The following STPG2 variants were observed in gnomAD, a reference collection of about 807,000 sequenced individuals.
STPG2 encodes the protein sperm-tail PG-rich repeat-containing protein 2.
A neutral mutation model predicts 54.2 loss-of-function variants in STPG2; 56 were observed. That is an observed-to-expected ratio of 1.03 (90% CI 0.83 to 1.29). STPG2 has a LOEUF of 1.29. Ranked by LOEUF, STPG2 falls within the 50% of genes most tolerant of loss-of-function variation. STPG2 has a pLI of 0.00. For synonymous variants in STPG2, 200 were observed against 181.8 expected, an observed-to-expected ratio of 1.10 and a Z score of -0.81; for missense variants, 596 against 544.9, an observed-to-expected ratio of 1.09 and a Z score of -0.93.
At chr4:98,088,626 C>G (rs1302505615) in intron 5 of STPG2, among the ~76,000 whole-genome samples, 2 of 130,798 alleles carry the variant, frequency 1.5e-5, no homozygotes, top group South Asian at 2.6e-4. Flanking sequence ...AAATAATATA[C>G]ATAGAAAATT....
intron 5 of STPG2, among the ~76,000 whole-genome samples, chr4:98,088,823 C>A (rs1007040911): frequency 4.6e-5 from 7 of 152,074 alleles, no homozygotes; most frequent in African/African-American, 1.7e-4. Context: ...TTCTTCTCTT[C>A]CACCCATCCA....
Position 97,634,062 on chromosome 4 carries a change from G to T in STPG2, c.1321-74945C>A, listed in dbSNP as rs111945870. Among the ~76,000 whole-genome samples the T allele has an allele frequency of 4.7e-3, 722 of 152,266 alleles. 4 individuals are homozygous for T. The highest frequency in any genetic ancestry group is 0.021 in the South Asian group (100 of 4,828). ...CAGGGCACAGACAAACAAAAAGACCGCAGTAACCTCTGCAGACTTAAATGT... is the reference window on the plus strand; with the variant it reads ...CAGGGCACAGACAAACAAAAAGACCTCAGTAACCTCTGCAGACTTAAATGT... On this transcript the variant is annotated intron_variant, in intron 10 of 10. Transcript: ENST00000295268.
chr4:97,706,276 TA>T (rs1191624753), intron 10 of STPG2, among the ~76,000 whole-genome samples: 1 of 152,150 alleles, frequency 6.6e-6, no homozygotes, highest in African/African-American at 2.4e-5. Flanking sequence ...ACTAATGCCC[TA>T]AAAAATTTGT....
At chr4:98,119,438 TC>T (rs1352485624) in intron 3 of STPG2, among the ~76,000 whole-genome samples, 1 of 152,086 alleles carries the variant, frequency 6.6e-6, no homozygotes, top group Non-Finnish European at 1.5e-5. Flanking sequence ...ATTAAGAGAT[TC>T]TAAAGAGACA....
At chr4:97,771,308 G>A (rs1044737603) in intron 9 of STPG2, among the ~76,000 whole-genome samples, 13 of 152,114 alleles carry the variant, frequency 8.5e-5, no homozygotes, top group Admixed American at 7.2e-4. Context: ...AGTAACTCTA[G>A]GATATAAGAA....
At chr4:97,718,574 G>T (rs1334638679) in intron 9 of STPG2, among the ~76,000 whole-genome samples, 1 of 151,878 alleles carries the variant, frequency 6.6e-6, no homozygotes, top group Non-Finnish European at 1.5e-5. Flanking sequence ...TGTTATAGAT[G>T]AAATGAATGA....
At chr4:97,924,387 A>T (rs144244190) in intron 8 of STPG2, among the ~76,000 whole-genome samples, 295 of 152,318 alleles carry the variant, frequency 1.9e-3, no homozygotes, top group African/African-American at 7.0e-3. Context: ...ATACAATAGG[A>T]CTTTTGTCTG....
intron 9 of STPG2, among the ~76,000 whole-genome samples, chr4:97,792,455 C>T (rs1727033264): frequency 6.6e-6 from 1 of 152,150 alleles, no homozygotes. Context: ...CTTCTCACCA[C>T]CCTCACTGCC....
At chr4:97,865,382 A>G (rs1729729755) in intron 8 of STPG2, among the ~76,000 whole-genome samples, 1 of 152,202 alleles carries the variant, frequency 6.6e-6, no homozygotes. Flanking sequence ...GCAAATCAAT[A>G]CCACAATATC....
intron 4 of STPG2, among the ~76,000 whole-genome samples, chr4:97,533,189 A>G (rs1424490224): frequency 6.6e-6 from 1 of 152,122 alleles, no homozygotes; most frequent in Non-Finnish European, 1.5e-5. Flanking sequence ...CCTACTTAGC[A>G]TATTTTCTTA....
chr4:97,895,625 G>T (rs565366559), intron 8 of STPG2, among the ~76,000 whole-genome samples: 1 of 151,626 alleles, frequency 6.6e-6, no homozygotes, highest in Non-Finnish European at 1.5e-5. Flanking sequence ...TTTACATGCT[G>T]GCATAAGAAT....
intron 9 of STPG2, among the ~76,000 whole-genome samples, chr4:97,835,570 C>T (rs1728607632): frequency 6.6e-6 from 1 of 152,094 alleles, no homozygotes; most frequent in African/African-American, 2.4e-5. Flanking sequence ...GTGTTATTTT[C>T]ATGCCTGCTA....
At chr4:97,865,568 C>T (rs1010089557) in intron 8 of STPG2, among the ~76,000 whole-genome samples, 3 of 151,990 alleles carry the variant, frequency 2.0e-5, no homozygotes, top group Non-Finnish European at 2.9e-5. Flanking sequence ...TACCATTTGA[C>T]CCAGCCATCC....
intron 7 of STPG2, among the ~76,000 whole-genome samples, chr4:97,958,587 T>C (rs994142595): frequency 6.6e-6 from 1 of 152,164 alleles, no homozygotes; most frequent in Non-Finnish European, 1.5e-5. Flanking sequence ...CCAGGAGAAG[T>C]AGCTCTTCTT....
At chr4:97,476,013 G>A (rs923893901) in intron 4 of STPG2, among the ~76,000 whole-genome samples, 2 of 152,080 alleles carry the variant, frequency 1.3e-5, no homozygotes, top group African/African-American at 4.8e-5. Flanking sequence ...GCTCTTGGAG[G>A]AAGAAATATT....
Position 97,910,671 on chromosome 4 carries a change from A to C in STPG2, c.1044+33226T>G, listed in dbSNP as rs146773128. 3.4e-4 allele frequency among the ~76,000 whole-genome samples: 52 copies of C among 152,342 alleles called. No individual in the cohort carries two copies. In the East Asian group the frequency reaches 9.8e-3, roughly 29 times the overall value. ...ACTGAAAATGTATAGAACGCATTTC[A>C]AAAGTACTCATCATAACAATAAAAA... On this transcript the variant is annotated intron_variant, in intron 8 of 10. Transcript: ENST00000295268.
rs528281220 is a variant in STPG2, at chr4:97,931,512, T to A, written c.1044+12385A>T. Among the ~76,000 whole-genome samples the A allele has an allele frequency of 4.6e-5, 7 of 152,334 alleles. No homozygotes were observed. The South Asian group carries it at 6.2e-4, about 14-fold the overall frequency. On this transcript the variant is annotated intron_variant, in intron 8 of 10. Transcript: ENST00000295268. ...TCAATTTGCATATGTTGAAACAACCTTGAATCCTGGAAATAAATCCTACTT... is the reference window on the plus strand; with the variant it reads ...TCAATTTGCATATGTTGAAACAACCATGAATCCTGGAAATAAATCCTACTT...
intron 10 of STPG2, among the ~76,000 whole-genome samples, chr4:97,608,349 T>C (rs1307658438): frequency 6.6e-6 from 1 of 151,950 alleles, no homozygotes; most frequent in African/African-American, 2.4e-5. Context: ...AAAAAAAATT[T>C]GGCCATCACA....
At chr4:97,645,920 T>C (rs1721899574) in intron 10 of STPG2, among the ~76,000 whole-genome samples, 1 of 152,098 alleles carries the variant, frequency 6.6e-6, no homozygotes. Context: ...CTACAAAAAG[T>C]TATCTCCATT....
Sources: gnomAD v4.1 joint callset for allele counts (sites outside exome capture counted in the v4.1 genomes callset) on GRCh38, gnomAD v4.1.1 for gene constraint, MANE v1.5 for transcripts, NCBI Gene and HGNC (gene_info 2026-07-23, HGNC 2026-07-21) for gene names.